ASB13: variants seen among roughly 807,000 people sequenced by gnomAD.
ASB13 encodes the protein ankyrin repeat and SOCS box containing 13, also known as ankyrin repeat and SOCS box protein 13.
ASB13 carries 33 observed loss-of-function variants against 28.8 expected under a neutral mutation model. That is an observed-to-expected ratio of 1.15 (90% CI 0.87 to 1.53). The LOEUF is 1.53. Ranked by LOEUF, ASB13 falls within the 40% of genes most tolerant of loss-of-function variation. The pLI, the probability that ASB13 is intolerant of heterozygous loss-of-function variation, is 0.00. For missense variants in ASB13, 414 were observed against 390.1 expected, an observed-to-expected ratio of 1.06 and a Z score of -0.52; for synonymous variants, 182 against 172.9, an observed-to-expected ratio of 1.05 and a Z score of -0.41.
chr10:5,648,438 T>TCAGGCAAACACCCACG (rs1834923960), intron 4 of ASB13, among the ~76,000 whole-genome samples: 1 of 108,488 alleles, frequency 9.2e-6, no homozygotes, highest in Non-Finnish European at 2.0e-5. Flanking sequence ...AAACACCCAC[T>TCAGGCAAACACCCACG]CAGGTAAACA....
intron 1 of ASB13, among the ~76,000 whole-genome samples, chr10:5,662,598 G>A (rs551979039): frequency 7.6e-5 from 11 of 145,462 alleles, no homozygotes; most frequent in Non-Finnish European, 1.4e-4. Flanking sequence ...GAAGAGAAGA[G>A]AAGAGAAGAG....
Position 5,655,579 on chromosome 10 carries a change from C to A in ASB13, c.44-2529G>T, listed in dbSNP as rs1004125625. Among the ~76,000 whole-genome samples the A allele has an allele frequency of 2.0e-5, 3 of 152,190 alleles. No individual in the cohort carries two copies. The highest frequency in any genetic ancestry group is 7.2e-5 in the African/African-American group (3 of 41,440). On this transcript the variant is annotated intron_variant, in intron 1 of 5. Transcript: ENST00000357700. The surrounding 1 kb of genome is among the most constrained non-coding windows in gnomAD (Gnocchi z 6.2). ...AAGTGGGGACTAGGGAGAACTGAAC[C>A]ACAAAGGAAGATTCGATCCCCACAA... is the stretch of plus-strand genomic sequence containing the variant.
Position 5,656,533 on chromosome 10 carries a change from C to T in ASB13, c.44-3483G>A, listed in dbSNP as rs117566023. Reference sequence around the variant, plus strand: ...CAGCCTGGGCAACCGAGCAAGACTCCGTCTCAAGAAAAAAAAAAAAAGTCT... The same window carrying T: ...CAGCCTGGGCAACCGAGCAAGACTCTGTCTCAAGAAAAAAAAAAAAAGTCT... On this transcript the variant is annotated intron_variant, in intron 1 of 5. Transcript: ENST00000357700. The surrounding 1 kb of genome is among the most constrained non-coding windows in gnomAD (Gnocchi z 4.3). 0.14 allele frequency among the ~76,000 whole-genome samples: 19,392 copies of T among 134,658 alleles called. 1,289 individuals are homozygous for T. Among genetic ancestry groups the T allele is most frequent in the South Asian group, 0.21 (912 of 4,292 alleles). 88.3% of individuals were successfully genotyped at this position (134,658 alleles called of 152,430 possible).
chr10:5,647,969 A>G (rs568819453), intron 4 of ASB13, among the ~76,000 whole-genome samples: 1 of 99,568 alleles, frequency 1.0e-5, no homozygotes, highest in South Asian at 2.7e-4. Flanking sequence ...GCAGGTAAAC[A>G]CCCACTCAGG....
At position 5,655,608 on chromosome 10, in the gene ASB13, G is replaced by A. The variant is rs200867061; in HGVS notation, c.44-2558C>T. On this transcript the variant is annotated intron_variant, in intron 1 of 5. Coordinates refer to ENST00000357700, the MANE Select transcript of ASB13 (RefSeq NM_024701.4). This position sits in a 1 kb window ranked among gnomAD's most constrained non-coding sequence, Gnocchi z 6.2. Reference sequence around the variant, plus strand: ...AAGGAAGATTCGATCCCCACAAAATGTAAAAGTCAAGCTTGTGGAACTTTC... The same window carrying A: ...AAGGAAGATTCGATCCCCACAAAATATAAAAGTCAAGCTTGTGGAACTTTC... Among the ~76,000 whole-genome samples the A allele has an allele frequency of 4.6e-5, 7 of 152,324 alleles. No individual in the cohort carries two copies. In the East Asian group the frequency reaches 1.4e-3, roughly 29 times the overall value.
rs1564221752 is a variant in ASB13, at chr10:5,659,950, A to T, written c.43+6559T>A. Reference sequence around the variant, plus strand: ...ACATGATGCTTGCACACTCTGGCCAAGCGGGGGCTCGTGCATCCATTAAAT... The same window carrying T: ...ACATGATGCTTGCACACTCTGGCCATGCGGGGGCTCGTGCATCCATTAAAT... On this transcript the variant is annotated intron_variant, in intron 1 of 5. Transcript: ENST00000357700. The surrounding 1 kb of genome is among the most constrained non-coding windows in gnomAD (Gnocchi z 5.8). 6.6e-6 allele frequency among the ~76,000 whole-genome samples: 1 copy of T among 152,174 alleles called. No individual in the cohort carries two copies. Among genetic ancestry groups the T allele is most frequent in the Non-Finnish European group, 1.5e-5 (1 of 68,026 alleles).
chr10:5,665,665 G>C (rs1291752333), intron 1 of ASB13, among the ~76,000 whole-genome samples: 1 of 152,166 alleles, frequency 6.6e-6, no homozygotes, highest in Non-Finnish European at 1.5e-5. Context: ...CATGTCAAAG[G>C]TGGTTATTTT....
In ASB13 at chr10:5,649,344, G is replaced by A. The variant is rs989914590; in HGVS notation, c.383-240C>T. On this transcript the variant is annotated intron_variant, in intron 3 of 5. Coordinates refer to ENST00000357700, the MANE Select transcript of ASB13 (RefSeq NM_024701.4). This position sits in a 1 kb window ranked among gnomAD's most constrained non-coding sequence, Gnocchi z 6.4. Reference sequence around the variant, plus strand: ...GGCAGTGGGAGAAACGGGCCTGGCCGGCTTCTTGCTGTGAGAACAGAAGAC... The same window carrying A: ...GGCAGTGGGAGAAACGGGCCTGGCCAGCTTCTTGCTGTGAGAACAGAAGAC... Among the ~76,000 whole-genome samples, 12 of 152,116 alleles carry A rather than the reference G, an allele frequency of 7.9e-5. No homozygotes were observed. The highest frequency in any genetic ancestry group is 1.8e-4 in the Non-Finnish European group (12 of 68,012).
At chr10:5,665,049 G>A (rs1835235895) in intron 1 of ASB13, among the ~76,000 whole-genome samples, 1 of 152,168 alleles carries the variant, frequency 6.6e-6, no homozygotes, top group South Asian at 2.1e-4. Flanking sequence ...TAGAGACGGG[G>A]TTTCGCCATG....
In ASB13 at chr10:5,644,425, G is replaced by A; in HGVS notation, c.518-2464C>T. On this transcript the variant is annotated intron_variant, in intron 4 of 5. Coordinates refer to ENST00000357700, the MANE Select transcript of ASB13 (RefSeq NM_024701.4). The surrounding 1 kb of genome is among the most constrained non-coding windows in gnomAD (Gnocchi z 5.1). Reference sequence around the variant, plus strand: ...GTAGGAGGATCACTTGAGCCCGGGAGGTTGAGGCTGCAGCAAGCCACGATC... The same window carrying A: ...GTAGGAGGATCACTTGAGCCCGGGAAGTTGAGGCTGCAGCAAGCCACGATC... Among the ~76,000 whole-genome samples, 1 of 152,182 alleles carries A rather than the reference G, an allele frequency of 6.6e-6. No homozygotes were observed. The highest frequency in any genetic ancestry group is 6.5e-5 in the Admixed American group (1 of 15,274).
rs1332860243 is a variant in ASB13 at position 5,661,037 on chromosome 10, T to C, written c.43+5472A>G. ...AAAGCAGACTTTTATTTTTGTTTCT[T>C]TTTCTTTATTTTCCCCCTAGGCAGC... On this transcript the variant is annotated intron_variant, in intron 1 of 5. Transcript: ENST00000357700. The surrounding 1 kb of genome is among the most constrained non-coding windows in gnomAD (Gnocchi z 4.9). Among the ~76,000 whole-genome samples the C allele has an allele frequency of 2.0e-5, 3 of 152,224 alleles. No individual in the cohort carries two copies. Among genetic ancestry groups the C allele is most frequent in the Non-Finnish European group, 4.4e-5 (3 of 68,040 alleles).
rs920177161 is a variant in ASB13 at position 5,664,190 on chromosome 10, C to T, written c.43+2319G>A. ...GGAGGGCACTGAACGCAAAGGGATG[C>T]GCAAATCCCCATAAACAACAGGAAG... On this transcript the variant is annotated intron_variant, in intron 1 of 5. Coordinates refer to ENST00000357700, the MANE Select transcript of ASB13 (RefSeq NM_024701.4). The surrounding 1 kb of genome is among the most constrained non-coding windows in gnomAD (Gnocchi z 4.2). Among the ~76,000 whole-genome samples, 1 of 152,020 alleles carries T rather than the reference C, an allele frequency of 6.6e-6. No homozygotes were observed. Among genetic ancestry groups the T allele is most frequent in the African/African-American group, 2.4e-5 (1 of 41,378 alleles).
chr10:5,648,895 C>T, intron 4 of ASB13, 75 bp downstream of exon 4: 1 of 1,587,026 alleles, frequency 6.3e-7, no homozygotes, highest in Non-Finnish European at 8.6e-7. Context: ...CTTGGGCAAA[C>T]ACCCACGCAG....
intron 4 of ASB13, among the ~76,000 whole-genome samples, chr10:5,646,159 C>T (rs1834883533): frequency 6.6e-6 from 1 of 152,178 alleles, no homozygotes; most frequent in African/African-American, 2.4e-5. Flanking sequence ...GCTGTGGGAA[C>T]CCCACTTTAG....
Position 5,658,400 on chromosome 10 carries a change from C to CG in ASB13, c.44-5351dup, listed in dbSNP as rs1835104435. On this transcript the variant is annotated intron_variant, in intron 1 of 5. Coordinates refer to ENST00000357700, the MANE Select transcript of ASB13 (RefSeq NM_024701.4). This position sits in a 1 kb window ranked among gnomAD's most constrained non-coding sequence, Gnocchi z 4.2. ...GAGCCAAAATCGTGCCATTGCACTA[C>CG]GGCCTGGGTGACTTTGTCTGAAAAA... 6.7e-6 allele frequency among the ~76,000 whole-genome samples: 1 copy of CG among 149,884 alleles called. No individual in the cohort carries two copies. Among genetic ancestry groups the CG allele is most frequent in the Non-Finnish European group, 1.5e-5 (1 of 67,810 alleles).
Position 5,652,404 on chromosome 10 carries a change from G to A in ASB13, c.231+459C>T, listed in dbSNP as rs575270281. The stretch of plus-strand genomic sequence containing the variant: ...GGAATTCTGCTGACCAGAAACCCCC[G>A]GTGGCTTAATACTAGCCAGGGTGGG... On this transcript the variant is annotated intron_variant, in intron 2 of 5. Coordinates refer to ENST00000357700, the MANE Select transcript of ASB13 (RefSeq NM_024701.4). The surrounding 1 kb of genome is among the most constrained non-coding windows in gnomAD (Gnocchi z 5.0). Among the ~76,000 whole-genome samples the A allele has an allele frequency of 1.4e-4, 21 of 152,284 alleles. No individual in the cohort carries two copies. Among genetic ancestry groups the A allele is most frequent in the African/African-American group, 3.1e-4 (13 of 41,546 alleles).
In ASB13 at chr10:5,660,730, C is replaced by G. The variant is rs1204831581; in HGVS notation, c.43+5779G>C. Among the ~76,000 whole-genome samples, 1 of 152,230 alleles carries G rather than the reference C, an allele frequency of 6.6e-6. No individual in the cohort carries two copies. Among genetic ancestry groups the G allele is most frequent in the Admixed American group, 6.5e-5 (1 of 15,290 alleles). ...AGGGCAGGTGCGGGTTCTACCATCT[C>G]ATCTTTGTTCCATAGCAAGCCCCCC... On this transcript the variant is annotated intron_variant, in intron 1 of 5. Transcript: ENST00000357700. This position sits in a 1 kb window ranked among gnomAD's most constrained non-coding sequence, Gnocchi z 6.1.
chr10:5,647,570 C>A (rs932554601), intron 4 of ASB13, among the ~76,000 whole-genome samples: 3 of 152,168 alleles, frequency 2.0e-5, no homozygotes, highest in African/African-American at 7.2e-5. Context: ...ATTACATCCC[C>A]TTCTCTCTTG....
intron 1 of ASB13, among the ~76,000 whole-genome samples, chr10:5,654,458 A>G (rs1444008355): frequency 3.3e-5 from 5 of 152,244 alleles, no homozygotes; most frequent in African/African-American, 1.2e-4. Context: ...CCTGGAGCCA[A>G]GACAATGGCC....
Sources: allele counts gnomAD v4.1 joint callset (sites outside exome capture counted in the v4.1 genomes callset), GRCh38; gene constraint gnomAD v4.1.1; non-coding constraint Gnocchi (gnomAD v3.1); transcripts MANE v1.5; gene names NCBI Gene and HGNC (gene_info 2026-07-23, HGNC 2026-07-21).